PRKG1: variants seen among roughly 807,000 people sequenced by gnomAD.
The protein encoded by PRKG1 is protein kinase cGMP-dependent 1.
PRKG1 carries 35 observed loss-of-function variants against 88.1 expected under a neutral mutation model. The ratio of observed to expected loss-of-function variants is 0.40; its 90% CI spans 0.30 to 0.53. PRKG1 has a LOEUF of 0.53. Ranked by LOEUF, PRKG1 falls within the 20% of genes least tolerant of loss-of-function variation. The probability of loss-of-function intolerance (pLI) is 0.59; values close to 1 mark genes in which losing one functional copy is unlikely to be tolerated. For synonymous variants in PRKG1, 303 were observed against 292.5 expected (o/e 1.04, Z -0.37); for missense variants, 540 against 839.8 (o/e 0.64, Z 4.41).
At chr10:51,130,409 C>CATG (rs1402721171) in intron 1 of PRKG1, among the ~76,000 whole-genome samples, 2 of 152,180 alleles carry the variant, frequency 1.3e-5, no homozygotes, top group African/African-American at 2.4e-5. Context: ...ACTTCCCTAG[C>CATG]ATGACATAAA....
At chr10:51,344,634 A>G (rs567000483) in intron 2 of PRKG1, among the ~76,000 whole-genome samples, 1 of 152,304 alleles carries the variant, frequency 6.6e-6, no homozygotes, top group East Asian at 1.9e-4. Context: ...CAGAAGAGAG[A>G]GATCTAGTGA....
intron 1 of PRKG1, among the ~76,000 whole-genome samples, chr10:51,063,202 G>A (rs1297273658): frequency 2.6e-5 from 4 of 152,086 alleles, no homozygotes; most frequent in Admixed American, 6.5e-5. Context: ...TAATAGTGCC[G>A]TTCATTACCA....
At chr10:51,639,261 T>C (rs1839733450) in intron 3 of PRKG1, among the ~76,000 whole-genome samples, 1 of 150,942 alleles carries the variant, frequency 6.6e-6, no homozygotes, top group Admixed American at 6.6e-5. Context: ...GGTGAAACCT[T>C]GTCTCTACTA....
chr10:51,378,052 G>A (rs61849762), intron 2 of PRKG1, among the ~76,000 whole-genome samples: 14,017 of 152,296 alleles, frequency 0.092, 861 homozygotes, highest in Middle Eastern at 0.15. Context: ...CAGGCTCCAG[G>A]ATGTCTCATT....
intron 2 of PRKG1, among the ~76,000 whole-genome samples, chr10:51,452,333 T>C (rs970299260): frequency 2.0e-5 from 3 of 151,914 alleles, no homozygotes; most frequent in Non-Finnish European, 4.4e-5. Context: ...CTATATTGAA[T>C]AGAAGTAGTA....
At chr10:51,798,047 C>T (rs1282436384) in intron 3 of PRKG1, among the ~76,000 whole-genome samples, 1 of 151,920 alleles carries the variant, frequency 6.6e-6, no homozygotes, top group Non-Finnish European at 1.5e-5. Flanking sequence ...CTCATTCATC[C>T]CTTGAAGGAC....
chr10:52,224,443 T>C (rs1840327582), intron 9 of PRKG1, among the ~76,000 whole-genome samples: 3 of 152,002 alleles, frequency 2.0e-5, no homozygotes, highest in Admixed American at 2.0e-4. Flanking sequence ...TGTTTAATTT[T>C]ATATATATTT....
Position 50,991,372 on chromosome 10 carries a change from T to A in PRKG1, c.-7T>A. On this transcript the variant is annotated 5_prime_UTR_variant, in exon 1 of 18. Coordinates refer to the PRKG1 transcript ENST00000401604. The surrounding 1 kb of genome is among the most constrained non-coding windows in gnomAD (Gnocchi z 4.5). The stretch of plus-strand genomic sequence containing the variant: ...GAAAAAGTTTCGCGGAGGGGCTCAG[T>A]GAAAAAATGAGCGAGCTAGAGGAAG... 1 of 1,515,482 alleles carries A rather than the reference T, an allele frequency of 6.6e-7. No individual in the cohort carries two copies. Among genetic ancestry groups the A allele is most frequent in the South Asian group, 1.2e-5 (1 of 80,662 alleles). 93.9% of individuals were successfully genotyped at this position (1,515,482 alleles called of 1,614,324 possible). A position where few individuals can be genotyped will look rare whatever the true frequency, so the allele number is the denominator to read the frequency against.
intron 5 of PRKG1, among the ~76,000 whole-genome samples, chr10:52,033,230 A>G (rs1845515110): frequency 6.6e-6 from 1 of 152,218 alleles, no homozygotes; most frequent in Non-Finnish European, 1.5e-5. Context: ...GGAAGGAAAC[A>G]CTTTAATGAG....
intron 5 of PRKG1, among the ~76,000 whole-genome samples, chr10:51,990,861 C>G (rs1330030553): frequency 7.9e-6 from 1 of 126,790 alleles, no homozygotes; most frequent in Non-Finnish European, 1.6e-5. Flanking sequence ...ATGATGGTCT[C>G]CAGCTCCACC....
intron 3 of PRKG1, among the ~76,000 whole-genome samples, chr10:51,802,097 A>G (rs1415545740): frequency 1.3e-5 from 2 of 152,140 alleles, no homozygotes; most frequent in Non-Finnish European, 1.5e-5. Flanking sequence ...TCTGTAAGTT[A>G]AGGAAGCAAT....
intron 9 of PRKG1, among the ~76,000 whole-genome samples, chr10:52,165,406 C>G (rs1838407340): frequency 6.6e-6 from 1 of 152,088 alleles, no homozygotes; most frequent in South Asian, 2.1e-4. Context: ...TTTATACTTT[C>G]ATTTTGTATT....
chr10:51,620,361 T>C (rs987216369), intron 3 of PRKG1, among the ~76,000 whole-genome samples: 1 of 152,122 alleles, frequency 6.6e-6, no homozygotes, highest in Admixed American at 6.6e-5. Context: ...CATTTGGCTC[T>C]CTATTCACCC....
At chr10:51,653,215 G>T (rs1840083018) in intron 3 of PRKG1, among the ~76,000 whole-genome samples, 1 of 152,052 alleles carries the variant, frequency 6.6e-6, no homozygotes, top group African/African-American at 2.4e-5. Flanking sequence ...ATTTCCTTTG[G>T]ATATATGCCC....
At chr10:51,741,132 T>G (rs1429080785) in intron 3 of PRKG1, among the ~76,000 whole-genome samples, 3 of 147,016 alleles carry the variant, frequency 2.0e-5, no homozygotes, top group African/African-American at 7.7e-5. Context: ...TGGATCTGAA[T>G]GAAACCTTTG....
chr10:51,191,656 C>T (rs1837634349), intron 2 of PRKG1, among the ~76,000 whole-genome samples: 1 of 151,682 alleles, frequency 6.6e-6, no homozygotes, highest in Non-Finnish European at 1.5e-5. Context: ...TCATACCAAA[C>T]CTGGATGATA....
chr10:51,328,547 A>C (rs1841651677), intron 2 of PRKG1, among the ~76,000 whole-genome samples: 1 of 152,196 alleles, frequency 6.6e-6, no homozygotes, highest in Non-Finnish European at 1.5e-5. Context: ...TTGATGGATT[A>C]TATGGTACTT....
At chr10:52,164,455 G>T (rs974265332) in intron 9 of PRKG1, among the ~76,000 whole-genome samples, 47 of 152,210 alleles carry the variant, frequency 3.1e-4, no homozygotes, top group Non-Finnish European at 4.1e-4. Flanking sequence ...TGAATTTACA[G>T]ATTCCATGTC....
At chr10:51,078,748 C>T (rs1844032190) in intron 1 of PRKG1, among the ~76,000 whole-genome samples, 1 of 151,872 alleles carries the variant, frequency 6.6e-6, no homozygotes, top group Non-Finnish European at 1.5e-5. Flanking sequence ...TCCTGAGTAG[C>T]TGGGACTACA....
Sources: gnomAD v4.1 joint callset for allele counts (sites outside exome capture counted in the v4.1 genomes callset) on GRCh38, gnomAD v4.1.1 for gene constraint, Gnocchi (gnomAD v3.1) non-coding constraint, MANE v1.5 for transcripts, NCBI Gene and HGNC (gene_info 2026-07-23, HGNC 2026-07-21) for gene names.